The following FBXL17 variants were observed in gnomAD, a reference collection of about 807,000 sequenced individuals.
The protein encoded by FBXL17 is F-box and leucine rich repeat protein 17.
Under a neutral mutation model 66.2 loss-of-function variants are expected in FBXL17, and 22 were observed. The ratio of observed to expected loss-of-function variants is 0.33; its 90% CI spans 0.24 to 0.47. The LOEUF (loss-of-function observed/expected upper bound fraction) is 0.47. Ranked by LOEUF, FBXL17 falls within the 20% of genes least tolerant of loss-of-function variation. The probability of loss-of-function intolerance (pLI) is 1.00; values close to 1 mark genes in which losing one functional copy is unlikely to be tolerated. For missense variants in FBXL17, 878 were observed against 948.2 expected (o/e 0.93, Z 0.97); for synonymous variants, 474 against 400.5 (o/e 1.18, Z -2.19).
At chr5:108,045,041 G>T (rs1747200822) in intron 6 of FBXL17, among the ~76,000 whole-genome samples, 1 of 152,072 alleles carries the variant, frequency 6.6e-6, no homozygotes, top group African/African-American at 2.4e-5. Flanking sequence ...TGTCAGTATT[G>T]CTAGAGGTCT....
At chr5:108,292,278 C>T (rs370694640) in intron 4 of FBXL17, among the ~76,000 whole-genome samples, 2 of 151,990 alleles carry the variant, frequency 1.3e-5, no homozygotes, top group East Asian at 1.9e-4. Flanking sequence ...CACACCACCA[C>T]GCCCAGCTAA....
chr5:107,933,794 T>C (rs1236743053), intron 7 of FBXL17, among the ~76,000 whole-genome samples: 8 of 152,176 alleles, frequency 5.3e-5, no homozygotes, highest in Admixed American at 5.2e-4. Flanking sequence ...TCCCTAACTG[T>C]TTTGACTTTG....
intron 7 of FBXL17, among the ~76,000 whole-genome samples, chr5:108,012,956 G>A (rs1461798964): frequency 2.8e-5 from 4 of 143,530 alleles, no homozygotes; most frequent in East Asian, 2.1e-4. Flanking sequence ...CGGAGGTTGC[G>A]TCAGCCAAGA....
intron 4 of FBXL17, among the ~76,000 whole-genome samples, chr5:108,266,816 G>T (rs1269939599): frequency 1.3e-5 from 2 of 152,068 alleles, no homozygotes; most frequent in Non-Finnish European, 2.9e-5. Context: ...GATGGAAAAG[G>T]CATTGTATTT....
intron 4 of FBXL17, among the ~76,000 whole-genome samples, chr5:108,314,378 A>G (rs1230751173): frequency 6.6e-6 from 1 of 151,742 alleles, no homozygotes; most frequent in African/African-American, 2.4e-5. Flanking sequence ...GATATATAAG[A>G]AAAAAGTAAT....
At chr5:108,099,184 A>T (rs1035171362) in intron 6 of FBXL17, among the ~76,000 whole-genome samples, 6 of 152,138 alleles carry the variant, frequency 3.9e-5, no homozygotes, top group African/African-American at 1.4e-4. Flanking sequence ...CATTTTTTTT[A>T]AAAACCTGAA....
intron 4 of FBXL17, among the ~76,000 whole-genome samples, chr5:108,327,023 T>TC (rs986500289): frequency 2.0e-5 from 3 of 152,228 alleles, no homozygotes; most frequent in African/African-American, 4.8e-5. Context: ...CTGGTTCATG[T>TC]ATGTTCACAG....
intron 4 of FBXL17, among the ~76,000 whole-genome samples, chr5:108,290,468 T>C (rs923270553): frequency 1.3e-5 from 2 of 152,182 alleles, no homozygotes; most frequent in African/African-American, 4.8e-5. Context: ...AGCTTTAGTG[T>C]TCTTCAAAAT....
intron 4 of FBXL17, among the ~76,000 whole-genome samples, chr5:108,282,421 G>A (rs1172419350): frequency 6.6e-6 from 1 of 151,806 alleles, no homozygotes; most frequent in Non-Finnish European, 1.5e-5. Context: ...AAAACCATAT[G>A]ATCATCTCAT....
intron 6 of FBXL17, among the ~76,000 whole-genome samples, chr5:108,149,980 T>C (rs1308577827): frequency 6.6e-6 from 1 of 152,118 alleles, no homozygotes; most frequent in Non-Finnish European, 1.5e-5. Context: ...TCAAACATAC[T>C]AAAAAAAGAA....
chr5:108,145,553 C>T (rs892404049), intron 6 of FBXL17, among the ~76,000 whole-genome samples: 3 of 152,126 alleles, frequency 2.0e-5, no homozygotes, highest in Non-Finnish European at 4.4e-5. Flanking sequence ...TTTACTAACG[C>T]AGAAATGTTA....
At chr5:108,058,415 T>C (rs1747794336) in intron 6 of FBXL17, among the ~76,000 whole-genome samples, 1 of 29,024 alleles carries the variant, frequency 3.4e-5, no homozygotes, top group Non-Finnish European at 7.2e-5. Flanking sequence ...TTTCTTTCTC[T>C]TTCTTTCTTC....
intron 6 of FBXL17, among the ~76,000 whole-genome samples, chr5:108,165,770 A>G (rs996086464): frequency 1.3e-5 from 2 of 152,202 alleles, no homozygotes; most frequent in African/African-American, 4.8e-5. Context: ...CAAAAAGAGC[A>G]TGTAGGAACA....
intron 3 of FBXL17, among the ~76,000 whole-genome samples, chr5:108,351,679 A>G (rs540714962): frequency 6.6e-6 from 1 of 152,220 alleles, no homozygotes; most frequent in Non-Finnish European, 1.5e-5. Flanking sequence ...GCTAAAGCTG[A>G]CATCTTGCTC....
chr5:107,863,891 T>C (rs1263964016), intron 8 of FBXL17, among the ~76,000 whole-genome samples: 4 of 152,148 alleles, frequency 2.6e-5, no homozygotes, highest in Non-Finnish European at 4.4e-5. Context: ...CAGTGCACCA[T>C]GGCAGGCACC....
In FBXL17 at chr5:107,881,067, C is replaced by T. The variant is rs531295506; in HGVS notation, c.1935G>A (p.Leu645=). The T allele has an allele frequency of 1.2e-4, 188 of 1,614,124 alleles. 2 individuals carry two copies. The South Asian group carries it at 1.9e-3, about 16-fold the overall frequency. The change falls in exon 8 of 9, where the codon CTG becomes CTA. Residue 645 remains leucine (L), a synonymous_variant. Transcript: ENST00000542267. ...ATLIAQSSKS[L]RYLGLMRCDK... ...CACATCTCATCAGCCCCAAATATCT[C>T]AGAGACTTGCTGCTCTGTGCAATCA...
chr5:107,957,852 A>G (rs552681950), intron 7 of FBXL17, among the ~76,000 whole-genome samples: 1 of 152,310 alleles, frequency 6.6e-6, no homozygotes, highest in South Asian at 2.1e-4. Context: ...ATGCTGAAAA[A>G]TGAATCTCCA....
At chr5:108,260,172 G>T (rs1299493860) in intron 4 of FBXL17, among the ~76,000 whole-genome samples, 3 of 152,092 alleles carry the variant, frequency 2.0e-5, no homozygotes, top group African/African-American at 7.2e-5. Flanking sequence ...CCACGGCATG[G>T]GCATTGGACA....
At chr5:107,969,689 G>A (rs1752294695) in intron 7 of FBXL17, among the ~76,000 whole-genome samples, 1 of 152,118 alleles carries the variant, frequency 6.6e-6, no homozygotes, top group African/African-American at 2.4e-5. Context: ...TGGAAACACT[G>A]ATATTAGACA....
Sources: gnomAD v4.1 joint callset for allele counts (sites outside exome capture counted in the v4.1 genomes callset) on GRCh38, gnomAD v4.1.1 for gene constraint, MANE v1.5 for transcripts, NCBI Gene and HGNC (gene_info 2026-07-23, HGNC 2026-07-21) for gene names.